The following HS6ST3 variants were observed in gnomAD, a reference collection of about 807,000 sequenced individuals.
HS6ST3 encodes heparan-sulfate 6-O-sulfotransferase 3.
A neutral mutation model predicts 36.7 loss-of-function variants in HS6ST3; 12 were observed. The ratio of observed to expected loss-of-function variants is 0.33; its 90% CI spans 0.21 to 0.53. HS6ST3 has a LOEUF of 0.53. HS6ST3 is among the 20% of genes least tolerant of loss of function. The pLI, the probability that HS6ST3 is intolerant of heterozygous loss-of-function variation, is 0.95. For synonymous variants in HS6ST3, 240 were observed against 257.5 expected (o/e 0.93, Z 0.65); for missense variants, 584 against 640.9 (o/e 0.91, Z 0.96).
At chr13:96,220,295 G>C (rs2054449161) in intron 1 of HS6ST3, among the ~76,000 whole-genome samples, 2 of 152,200 alleles carry the variant, frequency 1.3e-5, no homozygotes, top group Admixed American at 1.3e-4. Context: ...ATCATCTGGA[G>C]GGAAAATATT....
intron 1 of HS6ST3, among the ~76,000 whole-genome samples, chr13:96,646,221 G>C (rs548268193): frequency 6.6e-6 from 1 of 152,084 alleles, no homozygotes; most frequent in East Asian, 1.9e-4. Context: ...GCATGTCATT[G>C]GAATTTGCCC....
chr13:96,260,557 C>G (rs539920154), intron 1 of HS6ST3, among the ~76,000 whole-genome samples: 1 of 152,242 alleles, frequency 6.6e-6, no homozygotes, highest in African/African-American at 2.4e-5. Context: ...TCGTGATCCA[C>G]CCACCTCGGC....
intron 1 of HS6ST3, among the ~76,000 whole-genome samples, chr13:96,212,038 A>G (rs890948004): frequency 1.3e-5 from 2 of 152,220 alleles, no homozygotes; most frequent in African/African-American, 4.8e-5. Context: ...ATGCCCCACT[A>G]ACTTAAACAC....
Position 96,575,554 on chromosome 13 carries a change from T to A in HS6ST3, c.708-256936T>A, listed in dbSNP as rs952914. On this transcript the variant is annotated intron_variant, in intron 1 of 1. Transcript: ENST00000376705. ...AGTTTGCCTGTAGAAGTAGGAAGAC[T>A]GTTGATGTTTCAGTCCTTTCAGGAC... is the stretch of plus-strand genomic sequence containing the variant. Among the ~76,000 whole-genome samples the A allele has an allele frequency of 5.9e-5, 9 of 152,332 alleles. No homozygotes were observed. The South Asian group carries it at 1.7e-3, about 28-fold the overall frequency.
intron 1 of HS6ST3, among the ~76,000 whole-genome samples, chr13:96,448,996 T>C: frequency 6.6e-6 from 1 of 152,136 alleles, no homozygotes; most frequent in South Asian, 2.1e-4. Context: ...AGGGTCTCAG[T>C]TTGTGGCCCA....
At chr13:96,502,443 C>T (rs2056008679) in intron 1 of HS6ST3, among the ~76,000 whole-genome samples, 1 of 148,618 alleles carries the variant, frequency 6.7e-6, no homozygotes, top group Admixed American at 6.8e-5. Context: ...GGAAATGGGT[C>T]AAAGTACTCC....
intron 1 of HS6ST3, among the ~76,000 whole-genome samples, chr13:96,448,922 T>A (rs2055712855): frequency 6.6e-6 from 1 of 151,168 alleles, no homozygotes; most frequent in Non-Finnish European, 1.5e-5. Context: ...TTTATTTTTT[T>A]ATTTTCATTT....
At chr13:96,239,325 A>G (rs11838465) in intron 1 of HS6ST3, among the ~76,000 whole-genome samples, 11,928 of 152,248 alleles carry the variant, frequency 0.078, 628 homozygotes, top group Admixed American at 0.14. Flanking sequence ...GAATTCCCTG[A>G]ATGATTGTCT....
At chr13:96,107,656 A>G (rs1017950179) in intron 1 of HS6ST3, among the ~76,000 whole-genome samples, 1 of 152,178 alleles carries the variant, frequency 6.6e-6, no homozygotes, top group Non-Finnish European at 1.5e-5. Context: ...AGGGACCCCA[A>G]ATAGAGGGAC....
At chr13:96,108,142 T>G (rs1307050124) in intron 1 of HS6ST3, among the ~76,000 whole-genome samples, 1 of 152,122 alleles carries the variant, frequency 6.6e-6, no homozygotes, top group Non-Finnish European at 1.5e-5. Context: ...TAGTAAGGAA[T>G]ATTAATAATT....
chr13:96,650,129 A>G (rs975461058), intron 1 of HS6ST3, among the ~76,000 whole-genome samples: 27 of 151,960 alleles, frequency 1.8e-4, no homozygotes, highest in Non-Finnish European at 2.9e-4. Context: ...ACTTCTCTCA[A>G]TGCTGATCCC....
At chr13:96,667,787 G>A (rs2056668840) in intron 1 of HS6ST3, among the ~76,000 whole-genome samples, 1 of 152,146 alleles carries the variant, frequency 6.6e-6, no homozygotes, top group African/African-American at 2.4e-5. Context: ...TAAAGCCTTA[G>A]ACATTACAGT....
Position 96,636,085 on chromosome 13 carries a change from C to T in HS6ST3, c.708-196405C>T, listed in dbSNP as rs536965185. On this transcript the variant is annotated intron_variant, in intron 1 of 1. Coordinates refer to ENST00000376705, the MANE Select transcript of HS6ST3 (RefSeq NM_153456.4). The stretch of plus-strand genomic sequence containing the variant: ...GGCACAGACTACTTCATCGACAATT[C>T]GATGAAACCCAGAGTCTTCCCTGGG... Among the ~76,000 whole-genome samples, 10 of 152,216 alleles carry T rather than the reference C, an allele frequency of 6.6e-5. No individual in the cohort carries two copies. The South Asian group carries it at 8.3e-4, about 13-fold the overall frequency.
intron 1 of HS6ST3, among the ~76,000 whole-genome samples, chr13:96,164,851 T>A (rs1268174855): frequency 1.3e-5 from 2 of 151,286 alleles, no homozygotes; most frequent in African/African-American, 2.4e-5. Context: ...TGATACAGAT[T>A]TTTTTTTTAA....
intron 1 of HS6ST3, among the ~76,000 whole-genome samples, chr13:96,161,971 C>A (rs2054137760): frequency 6.6e-6 from 1 of 152,078 alleles, no homozygotes; most frequent in South Asian, 2.1e-4. Context: ...AATGTCTTCA[C>A]ATTTATAAAC....
intron 1 of HS6ST3, among the ~76,000 whole-genome samples, chr13:96,177,675 AACTGTTGGGT>A (rs1387828240): frequency 6.6e-6 from 1 of 152,098 alleles, no homozygotes; most frequent in African/African-American, 2.4e-5. Flanking sequence ...CGGAGAATAT[AACTGTTGGGT>A]ACTGGGCTTA....
At chr13:96,288,286 AT>A (rs1372013398) in intron 1 of HS6ST3, among the ~76,000 whole-genome samples, 9 of 152,154 alleles carry the variant, frequency 5.9e-5, no homozygotes, top group East Asian at 3.8e-4. Context: ...TTTATATTAC[AT>A]TTTTTAACCT....
At chr13:96,158,789 A>G (rs916241504) in intron 1 of HS6ST3, among the ~76,000 whole-genome samples, 9 of 151,980 alleles carry the variant, frequency 5.9e-5, no homozygotes, top group Non-Finnish European at 1.3e-4. Context: ...CAACATTAAC[A>G]CAAGCTAGGG....
At chr13:96,354,238 G>C in intron 1 of HS6ST3, among the ~76,000 whole-genome samples, 1 of 152,258 alleles carries the variant, frequency 6.6e-6, no homozygotes, top group East Asian at 1.9e-4. Flanking sequence ...AGTGATGCAA[G>C]TACAGTTTGG....
Sources: gnomAD v4.1 joint callset for allele counts (sites outside exome capture counted in the v4.1 genomes callset) on GRCh38, gnomAD v4.1.1 for gene constraint, MANE v1.5 for transcripts, NCBI Gene and HGNC (gene_info 2026-07-23, HGNC 2026-07-21) for gene names.